AGBL4: variants seen among roughly 807,000 people sequenced by gnomAD.
AGBL4 encodes the protein cytosolic carboxypeptidase 6.
In AGBL4, 58 loss-of-function variants were observed where a neutral mutation model predicts 66.4. The ratio of observed to expected loss-of-function variants is 0.87; its 90% CI spans 0.71 to 1.09. AGBL4 has a LOEUF of 1.09. Among genes scored for constraint, AGBL4 ranks in the 50% least tolerant of loss-of-function variants. The probability of loss-of-function intolerance (pLI) is 0.00; values close to 1 mark genes in which losing one functional copy is unlikely to be tolerated. For synonymous variants in AGBL4, 234 were observed against 222.9 expected (o/e 1.05, Z -0.44); for missense variants, 579 against 631.0 (o/e 0.92, Z 0.88).
intron 3 of AGBL4, among the ~76,000 whole-genome samples, chr1:49,246,078 T>G (rs1412820787): frequency 6.6e-6 from 1 of 151,930 alleles, no homozygotes; most frequent in Non-Finnish European, 1.5e-5. Context: ...GAAACTTGAA[T>G]TTTAGAACCA....
intron 5 of AGBL4, 40 bp downstream of exon 5, chr1:49,045,536 AGTTTGCCT>A (rs1266305403): frequency 6.5e-7 from 1 of 1,540,816 alleles, no homozygotes; most frequent in South Asian, 1.2e-5. Context: ...CCCTATCCCA[AGTTTGCCT>A]GTTTCCAAAT....
chr1:49,651,874 C>G (rs551950110), intron 3 of AGBL4, among the ~76,000 whole-genome samples: 104 of 152,028 alleles, frequency 6.8e-4, no homozygotes, highest in Non-Finnish European at 1.3e-3. Flanking sequence ...AATTAAAATT[C>G]TAAAATGATG....
At chr1:49,949,318 AT>A (rs1263210717) in intron 1 of AGBL4, among the ~76,000 whole-genome samples, 1 of 152,012 alleles carries the variant, frequency 6.6e-6, no homozygotes, top group African/African-American at 2.4e-5. Flanking sequence ...CAAGGATTTC[AT>A]GACCAAGAAC....
At chr1:49,058,264 C>T (rs917064700) in intron 4 of AGBL4, among the ~76,000 whole-genome samples, 3 of 152,262 alleles carry the variant, frequency 2.0e-5, no homozygotes, top group Non-Finnish European at 2.9e-5. Context: ...TTCCCATAAT[C>T]GCCACATGTC....
chr1:49,710,426 C>T (rs998450149), intron 2 of AGBL4, among the ~76,000 whole-genome samples: 4 of 152,042 alleles, frequency 2.6e-5, no homozygotes, highest in Admixed American at 6.6e-5. Flanking sequence ...ACATTACACA[C>T]TGGGCCTGTT....
chr1:49,393,593 GA>G (rs1326076529), intron 3 of AGBL4, among the ~76,000 whole-genome samples: 3 of 152,172 alleles, frequency 2.0e-5, no homozygotes, highest in Admixed American at 1.3e-4. Flanking sequence ...AGAGAGGTAT[GA>G]AAATATGCAG....
At chr1:49,146,760 C>T (rs1230749497) in intron 4 of AGBL4, among the ~76,000 whole-genome samples, 1 of 152,260 alleles carries the variant, frequency 6.6e-6, no homozygotes, top group Non-Finnish European at 1.5e-5. Flanking sequence ...TCAGGGCCCA[C>T]ACCAGGCTCC....
intron 4 of AGBL4, among the ~76,000 whole-genome samples, chr1:49,146,447 A>G (rs912956929): frequency 6.6e-6 from 1 of 152,224 alleles, no homozygotes; most frequent in Non-Finnish European, 1.5e-5. Context: ...GGTATCTAGC[A>G]TTGTGGGGGA....
rs1052984613 is a variant in AGBL4, at chr1:49,460,199, C to T, written c.283-214335G>A. Among the ~76,000 whole-genome samples, 2 of 151,674 alleles carry T rather than the reference C, an allele frequency of 1.3e-5. 1 individual carries two copies. The highest frequency in any genetic ancestry group is 2.9e-5 in the Non-Finnish European group (2 of 67,822). On this transcript the variant is annotated intron_variant, in intron 3 of 13. Transcript: ENST00000371839. ...CTGTCAGTGGAGTATTAAAGTTCCCCACTATTACGGTGTTGCTATCTACCT... is the reference window on the plus strand; with the variant it reads ...CTGTCAGTGGAGTATTAAAGTTCCCTACTATTACGGTGTTGCTATCTACCT...
At chr1:49,133,608 GAAAC>G (rs1261836458) in intron 4 of AGBL4, among the ~76,000 whole-genome samples, 2 of 152,028 alleles carry the variant, frequency 1.3e-5, no homozygotes. Flanking sequence ...AGGGTGTTGA[GAAAC>G]AAACACTCTT....
At chr1:49,311,067 T>C (rs1372702491) in intron 3 of AGBL4, among the ~76,000 whole-genome samples, 1 of 152,060 alleles carries the variant, frequency 6.6e-6, no homozygotes, top group Non-Finnish European at 1.5e-5. Context: ...TACCTACTAA[T>C]TGTTGAGAGA....
intron 5 of AGBL4, among the ~76,000 whole-genome samples, chr1:48,985,444 A>C (rs1660108500): frequency 6.6e-6 from 1 of 152,050 alleles, no homozygotes; most frequent in African/African-American, 2.4e-5. Context: ...CAAGGAAAGA[A>C]CCATTTGAAG....
chr1:49,184,489 T>A (rs910061424), intron 4 of AGBL4, among the ~76,000 whole-genome samples: 1 of 152,128 alleles, frequency 6.6e-6, no homozygotes, highest in African/African-American at 2.4e-5. Context: ...AAAAGTACCG[T>A]CAACAGATGC....
chr1:48,927,782 A>G (rs887023789), intron 5 of AGBL4, among the ~76,000 whole-genome samples: 6 of 152,188 alleles, frequency 3.9e-5, no homozygotes, highest in Admixed American at 1.3e-4. Flanking sequence ...TCTCAGAGCT[A>G]TAAGGCTCAA....
intron 6 of AGBL4, among the ~76,000 whole-genome samples, chr1:48,724,843 G>A (rs973365843): frequency 4.6e-5 from 7 of 152,156 alleles, no homozygotes; most frequent in Admixed American, 4.6e-4. Flanking sequence ...GTTTCATCTG[G>A]TATCAGAAAA....
intron 3 of AGBL4, among the ~76,000 whole-genome samples, chr1:49,292,566 G>A (rs1049371620): frequency 2.6e-5 from 4 of 152,164 alleles, no homozygotes; most frequent in Non-Finnish European, 5.9e-5. Context: ...ATGACTAGCT[G>A]CAGAGAGGAG....
At chr1:48,559,990 C>G (rs911533238) in intron 11 of AGBL4, among the ~76,000 whole-genome samples, 2 of 152,134 alleles carry the variant, frequency 1.3e-5, no homozygotes, top group African/African-American at 4.8e-5. Flanking sequence ...CAGCATCCAG[C>G]CCTTCTATCT....
intron 4 of AGBL4, among the ~76,000 whole-genome samples, chr1:49,058,573 A>T (rs1478025033): frequency 6.6e-6 from 1 of 152,230 alleles, no homozygotes. Context: ...AGAAAGAACT[A>T]GTATGGTAAA....
At chr1:49,914,284 A>G (rs1293437637) in intron 1 of AGBL4, among the ~76,000 whole-genome samples, 2 of 152,122 alleles carry the variant, frequency 1.3e-5, no homozygotes, top group Non-Finnish European at 2.9e-5. Context: ...TTGCTTAGAT[A>G]TTTCTTCCAC....
Sources: allele counts gnomAD v4.1 joint callset (sites outside exome capture counted in the v4.1 genomes callset), GRCh38; gene constraint gnomAD v4.1.1; transcripts MANE v1.5; gene names NCBI Gene and HGNC (gene_info 2026-07-23, HGNC 2026-07-21).